Variants in ANXA2 observed in about 807,000 individuals in gnomAD.
ANXA2 encodes annexin A2.
ANXA2 carries 28 observed loss-of-function variants against 47.3 expected under a neutral mutation model. The ratio of observed to expected loss-of-function variants is 0.59; its 90% CI spans 0.44 to 0.81. ANXA2 has a LOEUF of 0.81. ANXA2 is among the 40% of genes least tolerant of loss of function. ANXA2 has a pLI of 0.00. For missense variants in ANXA2, 384 were observed against 414.3 expected, an observed-to-expected ratio of 0.93 and a Z score of 0.64; for synonymous variants, 172 against 155.5, an observed-to-expected ratio of 1.11 and a Z score of -0.79.
chr15:60,374,072 A>T (rs2062745390), intron 3 of ANXA2, among the ~76,000 whole-genome samples: 1 of 152,210 alleles, frequency 6.6e-6, no homozygotes, highest in South Asian at 2.1e-4. Flanking sequence ...GGGAAAGTGT[A>T]GTTTAGCTAA....
chr15:60,355,477 T>C, intron 7 of ANXA2: 1 of 275,782 alleles, frequency 3.6e-6, no homozygotes, highest in Non-Finnish European at 7.1e-6. Context: ...TGTGTTAATA[T>C]TAGCAATCAG....
chr15:60,371,995 C>CA (rs2062717100), intron 3 of ANXA2, among the ~76,000 whole-genome samples: 1 of 152,028 alleles, frequency 6.6e-6, no homozygotes, highest in Admixed American at 6.5e-5. Flanking sequence ...ACTAAAAATA[C>CA]AAAATTAGCC....
At chr15:60,375,533 C>G (rs989230148) in intron 3 of ANXA2, among the ~76,000 whole-genome samples, 3 of 152,146 alleles carry the variant, frequency 2.0e-5, no homozygotes, top group African/African-American at 7.2e-5. Context: ...TATATTTAAC[C>G]CAAGGCCAAT....
Position 60,351,761 on chromosome 15 carries a change from C to G in ANXA2, c.741G>C (p.Glu247Asp). Residue 247 changes from glutamate (E) to aspartate (D), a missense_variant, in exon 10 of 13, where the codon GAG (glutamate) becomes GAC (aspartate). Glu to Asp is a conservative substitution (Grantham distance 45, BLOSUM62 2). Coordinates refer to ENST00000451270, the MANE Select transcript of ANXA2 (RefSeq NM_004039.3). ...AAGCATTTTCCAGGTCTCCTTTAAC[C>G]TCTTTCCTGATGCTTTCCAACATGT... The part of the protein sequence containing the change: ...PYDMLESIRK[E>D]VKGDLENAFL... 6.2e-7 allele frequency: 1 copy of G among 1,613,868 alleles called. No homozygotes were observed. The highest frequency in any genetic ancestry group is 1.1e-5 in the South Asian group (1 of 91,070).
At position 60,396,981 on chromosome 15, in the gene ANXA2, T is replaced by C. The variant is rs1004181524; in HGVS notation, c.-12+962A>G. ...ACATTTATTACCTAATGACTGTGTTTTTTGAAATCTCCAATAACTCTGGGT... is the reference window on the plus strand; with the variant it reads ...ACATTTATTACCTAATGACTGTGTTCTTTGAAATCTCCAATAACTCTGGGT... On this transcript the variant is annotated intron_variant, in intron 1 of 12. Transcript: ENST00000451270. Among the ~76,000 whole-genome samples, 5 of 152,220 alleles carry C rather than the reference T, an allele frequency of 3.3e-5. No homozygotes were observed. In the East Asian group the frequency reaches 5.8e-4, roughly 18 times the overall value.
intron 3 of ANXA2, among the ~76,000 whole-genome samples, chr15:60,366,059 C>G (rs1015188258): frequency 2.2e-5 from 3 of 133,664 alleles, no homozygotes; most frequent in African/African-American, 5.8e-5. Flanking sequence ...CTGTGTTGGC[C>G]GGGCTGGTCT....
At chr15:60,380,254 G>C (rs1261979585) in intron 3 of ANXA2, among the ~76,000 whole-genome samples, 1 of 152,060 alleles carries the variant, frequency 6.6e-6, no homozygotes, top group East Asian at 1.9e-4. Context: ...CGTGAGGTGG[G>C]AACTTTGATT....
chr15:60,347,740 A>G, intron 12 of ANXA2, 51 bp from the exon 13 acceptor site: 1 of 1,502,040 alleles, frequency 6.7e-7, no homozygotes, highest in Non-Finnish European at 9.3e-7. Flanking sequence ...AAAAGCCCAG[A>G]CTCCTCAATA....
At chr15:60,392,406 T>TA (rs56146858) in intron 1 of ANXA2, among the ~76,000 whole-genome samples, 111 of 147,860 alleles carry the variant, frequency 7.5e-4, no homozygotes, top group Non-Finnish European at 9.7e-4. Context: ...TTGTCCTTAT[T>TA]AAAAAAAAAA....
rs370205779 is a variant in ANXA2 at position 60,392,054 on chromosome 15, CTAGAGG to C, written c.-12+5883_-12+5888del. On this transcript the variant is annotated intron_variant, in intron 1 of 12. Transcript: ENST00000451270. ...ACGTTTTTCTGTTTAAGGAAATAAACTAGAGGTACAGGGAGACTCACTGATAAGAGC... is the reference window on the plus strand; with the variant it reads ...ACGTTTTTCTGTTTAAGGAAATAAACTACAGGGAGACTCACTGATAAGAGC... 8.9e-3 allele frequency among the ~76,000 whole-genome samples: 1,352 copies of C among 152,266 alleles called. 7 individuals are homozygous for C. The highest frequency in any genetic ancestry group is 0.015 in the South Asian group (70 of 4,818).
At chr15:60,366,805 G>GGT (rs2062619056) in intron 3 of ANXA2, among the ~76,000 whole-genome samples, 2 of 73,016 alleles carry the variant, frequency 2.7e-5, no homozygotes, top group Admixed American at 1.3e-4. Context: ...AGGGAGGCGG[G>GGT]GGGGGGGGGG....
intron 1 of ANXA2, 113 bp downstream of exon 1, chr15:60,397,830 C>A (rs777728267): frequency 7.3e-6 from 10 of 1,373,362 alleles, no homozygotes; most frequent in Admixed American, 3.2e-5. Flanking sequence ...CCCCCGACGG[C>A]CTCCGGGGCC....
chr15:60,374,060 C>T (rs1429034924), intron 3 of ANXA2, among the ~76,000 whole-genome samples: 3 of 152,144 alleles, frequency 2.0e-5, no homozygotes, highest in Non-Finnish European at 4.4e-5. Context: ...AGTCTCAACT[C>T]GGGGAAAGTG....
At chr15:60,392,009 A>T (rs1021742919) in intron 1 of ANXA2, among the ~76,000 whole-genome samples, 1 of 152,234 alleles carries the variant, frequency 6.6e-6, no homozygotes, top group South Asian at 2.1e-4. Context: ...AACATCATTA[A>T]AATGACCCTT....
At chr15:60,383,524 CA>C (rs1446120916) in intron 2 of ANXA2, 1 of 152,258 alleles carries the variant, frequency 6.6e-6, no homozygotes, top group African/African-American at 2.4e-5. Context: ...GCTTCTACGT[CA>C]GTTCTCCTTT....
intron 5 of ANXA2, among the ~76,000 whole-genome samples, chr15:60,360,196 C>T (rs1483547161): frequency 6.6e-6 from 1 of 152,194 alleles, no homozygotes; most frequent in Non-Finnish European, 1.5e-5. Flanking sequence ...GCAGAGGTTG[C>T]AGTGAACTGA....
chr15:60,381,701 G>A (rs2062861928), intron 3 of ANXA2, among the ~76,000 whole-genome samples: 1 of 151,478 alleles, frequency 6.6e-6, no homozygotes. Flanking sequence ...GAACTTACCG[G>A]GGTTTAAAAA....
At chr15:60,357,397 A>G (rs1350215082) in intron 5 of ANXA2, among the ~76,000 whole-genome samples, 161 bp from the exon 6 acceptor site, 1 of 152,158 alleles carries the variant, frequency 6.6e-6, no homozygotes, top group Non-Finnish European at 1.5e-5. Context: ...CCTTAGCACA[A>G]AGTAATGGCA....
chr15:60,385,294 A>T (rs2062917856), intron 2 of ANXA2, among the ~76,000 whole-genome samples: 1 of 152,216 alleles, frequency 6.6e-6, no homozygotes, highest in Non-Finnish European at 1.5e-5. Flanking sequence ...CGAGCCAGGC[A>T]TGGTGGCTCC....
Sources: allele counts gnomAD v4.1 joint callset (sites outside exome capture counted in the v4.1 genomes callset), GRCh38; gene constraint gnomAD v4.1.1; transcripts MANE v1.5; gene names NCBI Gene and HGNC (gene_info 2026-07-23, HGNC 2026-07-21).